DENND4A: variants seen among roughly 807,000 people sequenced by gnomAD.
DENND4A encodes DENN domain containing 4A, also known as C-myc promoter-binding protein.
DENND4A carries 70 observed loss-of-function variants against 199.3 expected under a neutral mutation model. The observed-to-expected ratio is 0.35, with a 90% CI of 0.29 to 0.43. DENND4A has a LOEUF of 0.43. DENND4A is among the 20% of genes least tolerant of loss of function. DENND4A has a pLI of 1.00. For synonymous variants in DENND4A, 686 were observed against 766.9 expected, an observed-to-expected ratio of 0.89 and a Z score of 1.74; for missense variants, 1,723 against 2,255.8, an observed-to-expected ratio of 0.76 and a Z score of 4.78.
chr15:65,746,375 T>C lies in DENND4A; in HGVS notation c.562-4591A>G, dbSNP rs1226047312. 6.1e-3 allele frequency among the ~76,000 whole-genome samples: 425 copies of C among 69,612 alleles called. 4 individuals are homozygous for C. Among genetic ancestry groups the C allele is most frequent in the African/African-American group, 0.025 (402 of 16,206 alleles). 45.7% of individuals were successfully genotyped at this position (69,612 alleles called of 152,430 possible). A position where few individuals can be genotyped will look rare whatever the true frequency, so the allele number is the denominator to read the frequency against. ...AACAATTCTACTTTTTTCTCTTTTT[T>C]TTTTTTTTTTTTTTTTTTTTTTTTT... On this transcript the variant is annotated intron_variant, in intron 4 of 32. Coordinates refer to ENST00000443035, the MANE Select transcript of DENND4A (RefSeq NM_001320835.1).
chr15:65,741,028 A>C (rs1308065853), intron 5 of DENND4A, among the ~76,000 whole-genome samples: 1 of 152,078 alleles, frequency 6.6e-6, no homozygotes, highest in Non-Finnish European at 1.5e-5. Flanking sequence ...CACGTATATA[A>C]ATGTATATGT....
Position 65,659,154 on chromosome 15 carries a change from C to T in DENND4A, c.*2697G>A, listed in dbSNP as rs1038902956. 4 of 151,824 alleles carry T rather than the reference C, an allele frequency of 2.6e-5. No homozygotes were observed. The highest frequency in any genetic ancestry group is 2.0e-4 in the Admixed American group (3 of 15,234). 9.4% of individuals were successfully genotyped at this position (151,824 alleles called of 1,614,324 possible). ...AGCACAGGACATGGTTTATTGTCAA[C>T]CATTTAAACATATAAACAAAACTAA... On this transcript the variant is annotated 3_prime_UTR_variant, in exon 33 of 33. Coordinates refer to ENST00000443035, the MANE Select transcript of DENND4A (RefSeq NM_001320835.1).
intron 1 of DENND4A, chr15:65,771,500 C>A (rs764587056): frequency 6.2e-7 from 1 of 1,611,102 alleles, no homozygotes; most frequent in Non-Finnish European, 8.5e-7. Context: ...AGGAGGATTA[C>A]AGACCATCAA....
At position 65,771,192 on chromosome 15, in the gene DENND4A, C is replaced by T. The variant is rs544152581; in HGVS notation, c.-101-9754G>A. 17 of 1,603,634 alleles carry T rather than the reference C, an allele frequency of 1.1e-5. No homozygotes were observed. The African/African-American group carries it at 1.7e-4, about 16-fold the overall frequency. On this transcript the variant is annotated intron_variant, in intron 1 of 32. Coordinates refer to ENST00000443035, the MANE Select transcript of DENND4A (RefSeq NM_001320835.1). Reference sequence around the variant, plus strand: ...CCAGTTCATCCTCCTTTATAAAGACCGGTAAGCCGCTCTAATTCTTTACAG... The same window carrying T: ...CCAGTTCATCCTCCTTTATAAAGACTGGTAAGCCGCTCTAATTCTTTACAG...
intron 23 of DENND4A, among the ~76,000 whole-genome samples, chr15:65,679,540 CA>C (rs2076500467): frequency 6.6e-6 from 1 of 151,576 alleles, no homozygotes; most frequent in Non-Finnish European, 1.5e-5. Context: ...ATATTAAAAA[CA>C]TTTTTTTGAG....
chr15:65,684,329 C>T (rs1362009940), intron 23 of DENND4A, among the ~76,000 whole-genome samples: 1 of 152,098 alleles, frequency 6.6e-6, no homozygotes, highest in Non-Finnish European at 1.5e-5. Context: ...TTTTACATTC[C>T]CAACCAAAAA....
At chr15:65,722,037 C>G (rs188952473) in intron 12 of DENND4A, among the ~76,000 whole-genome samples, 219 of 152,172 alleles carry the variant, frequency 1.4e-3, no homozygotes, top group Non-Finnish European at 2.4e-3. Context: ...AAGATAGGCA[C>G]ACAGAAAAAT....
intron 2 of DENND4A, among the ~76,000 whole-genome samples, chr15:65,758,369 A>C (rs2076767272): frequency 6.6e-6 from 1 of 152,202 alleles, no homozygotes. Flanking sequence ...GCTGAAATGG[A>C]GTAGTGCAAA....
At chr15:65,781,011 G>T (rs976336392) in intron 1 of DENND4A, among the ~76,000 whole-genome samples, 1 of 152,194 alleles carries the variant, frequency 6.6e-6, no homozygotes, top group Non-Finnish European at 1.5e-5. Context: ...CCAGGCAAGA[G>T]TATGGATCTG....
intron 4 of DENND4A, among the ~76,000 whole-genome samples, chr15:65,749,044 C>A (rs2076491602): frequency 6.8e-6 from 1 of 146,688 alleles, no homozygotes; most frequent in African/African-American, 2.5e-5. Context: ...AGAGTAGCTG[C>A]AGTAGAAAAA....
intron 1 of DENND4A, among the ~76,000 whole-genome samples, chr15:65,768,811 C>T (rs775284787): frequency 6.6e-6 from 1 of 151,650 alleles, no homozygotes; most frequent in Non-Finnish European, 1.5e-5. Flanking sequence ...GGTGAAACCC[C>T]GTCTCTACTA....
At chr15:65,763,590 T>C (rs2076906616) in intron 1 of DENND4A, among the ~76,000 whole-genome samples, 1 of 150,332 alleles carries the variant, frequency 6.7e-6, no homozygotes, top group Admixed American at 6.7e-5. Context: ...ATGGGAGGAT[T>C]GCTTGAGCCC....
Position 65,690,537 on chromosome 15 carries a change from C to G in DENND4A, c.4057G>C (p.Asp1353His). 1 of 1,613,542 alleles carries G rather than the reference C, an allele frequency of 6.2e-7. No homozygotes were observed. Among genetic ancestry groups the G allele is most frequent in the Non-Finnish European group, 8.5e-7 (1 of 1,179,688 alleles). Reference protein sequence around the residue: ...LTHSSPSFNLDTLLVPKLDVL... With the variant: ...LTHSSPSFNLHTLLVPKLDVL... ...TCTAGTTTAGGTACTAGTAGTGTAT[C>G]TAAGTTAAATGAAGGTGATGAGTGG... is the stretch of plus-strand genomic sequence containing the variant. Residue 1353 changes from aspartate (D) to histidine (H), a missense_variant, in exon 23 of 33, where the codon GAT becomes CAT. Coordinates refer to ENST00000443035, the MANE Select transcript of DENND4A (RefSeq NM_001320835.1).
chr15:65,686,867 A>T (rs183472662), intron 23 of DENND4A, among the ~76,000 whole-genome samples: 148 of 136,846 alleles, frequency 1.1e-3, no homozygotes, highest in Non-Finnish European at 1.8e-3. Flanking sequence ...AGTTAAAATT[A>T]AAAAAAAAAA....
chr15:65,672,581 G>C (rs1309833015), intron 24 of DENND4A, among the ~76,000 whole-genome samples: 1 of 151,160 alleles, frequency 6.6e-6, no homozygotes, highest in African/African-American at 2.4e-5. Context: ...GTTACAATGA[G>C]AGCGTGGGCA....
rs540599571 is a variant in DENND4A, at chr15:65,745,744, T to C, written c.562-3960A>G. 1.7e-3 allele frequency among the ~76,000 whole-genome samples: 262 copies of C among 152,256 alleles called. 1 individual carries two copies. The highest frequency in any genetic ancestry group is 5.2e-3 in the African/African-American group (217 of 41,556). ...GAACTATATGACCATTTGGATATAG[T>C]AGAAACCAAAAGGAATATTCTATAA... On this transcript the variant is annotated intron_variant, in intron 4 of 32. Transcript: ENST00000443035.
intron 23 of DENND4A, 95 bp from the exon 24 acceptor site, chr15:65,676,729 TACCC>T: frequency 1.1e-6 from 1 of 928,458 alleles, no homozygotes; most frequent in Non-Finnish European, 1.6e-6. Context: ...ATCACCTAAC[TACCC>T]AGATGATCAG....
chr15:65,756,597 T>C (rs1247617054), intron 2 of DENND4A, 125 bp from the exon 3 acceptor site: 1 of 559,394 alleles, frequency 1.8e-6, no homozygotes, highest in African/African-American at 1.9e-5. Context: ...ACAGTAGCAT[T>C]GTATATTTAA....
At chr15:65,735,942 T>C (rs2076102422) in intron 7 of DENND4A, among the ~76,000 whole-genome samples, 1 of 152,010 alleles carries the variant, frequency 6.6e-6, no homozygotes, top group African/African-American at 2.4e-5. Flanking sequence ...AAATACAAAA[T>C]TAGACAAGCA....
Sources: gnomAD v4.1 joint callset for allele counts (sites outside exome capture counted in the v4.1 genomes callset) on GRCh38, gnomAD v4.1.1 for gene constraint, MANE v1.5 for transcripts, NCBI Gene and HGNC (gene_info 2026-07-23, HGNC 2026-07-21) for gene names.